PIGK: variants seen among roughly 807,000 people sequenced by gnomAD.
The protein encoded by PIGK is GPI-anchor transamidase.
A neutral mutation model predicts 50.6 loss-of-function variants in PIGK; 42 were observed. The ratio of observed to expected loss-of-function variants is 0.83; its 90% CI spans 0.65 to 1.07. The LOEUF is 1.07. Ranked by LOEUF, PIGK falls within the 50% of genes least tolerant of loss-of-function variation. The pLI is 0.00. For missense variants in PIGK, 448 were observed against 488.7 expected (o/e 0.92, Z 0.78); for synonymous variants, 151 against 156.0 (o/e 0.97, Z 0.24).
At chr1:77,211,294 C>CT in intron 1 of PIGK, among the ~76,000 whole-genome samples, 1 of 151,554 alleles carries the variant, frequency 6.6e-6, no homozygotes, top group East Asian at 1.9e-4. Context: ...GTCCAAATGC[C>CT]TTTACTCTCG....
At chr1:77,109,269 A>T (rs1211210891) in intron 10 of PIGK, among the ~76,000 whole-genome samples, 2 of 152,260 alleles carry the variant, frequency 1.3e-5, no homozygotes, top group East Asian at 1.9e-4. Context: ...TGAGGCCAGC[A>T]TCATCCTGAT....
At chr1:77,177,623 T>C (rs747178283) in intron 3 of PIGK, among the ~76,000 whole-genome samples, 2 of 152,228 alleles carry the variant, frequency 1.3e-5, no homozygotes, top group Non-Finnish European at 2.9e-5. Flanking sequence ...CTCTCAGCTC[T>C]GAAGGCTGTG....
chr1:77,109,294 G>A (rs950911505), intron 10 of PIGK, among the ~76,000 whole-genome samples: 5 of 152,210 alleles, frequency 3.3e-5, no homozygotes, highest in Non-Finnish European at 7.3e-5. Context: ...AAGCCTGGCA[G>A]AGACACAACA....
At chr1:77,133,877 C>T (rs1654438679) in intron 9 of PIGK, among the ~76,000 whole-genome samples, 1 of 152,150 alleles carries the variant, frequency 6.6e-6, no homozygotes, top group South Asian at 2.1e-4. Context: ...GGACTATTGT[C>T]CTGCACAGCT....
At chr1:77,103,016 T>C (rs1294945812) in intron 10 of PIGK, among the ~76,000 whole-genome samples, 1 of 152,192 alleles carries the variant, frequency 6.6e-6, no homozygotes. Flanking sequence ...GTCCAGTTGT[T>C]TGTGTAAATG....
intron 9 of PIGK, among the ~76,000 whole-genome samples, chr1:77,122,977 A>T (rs1283875704): frequency 1.3e-5 from 2 of 152,182 alleles, no homozygotes; most frequent in Non-Finnish European, 2.9e-5. Context: ...TTTATCAAAA[A>T]GACTCAAATG....
chr1:77,112,460 T>C (rs1418036284), intron 10 of PIGK, among the ~76,000 whole-genome samples: 2 of 152,136 alleles, frequency 1.3e-5, no homozygotes, highest in Non-Finnish European at 2.9e-5. Flanking sequence ...CTTCTGGTAA[T>C]GTTTTTGGTG....
chr1:77,176,617 T>G (rs1047609038), intron 3 of PIGK, among the ~76,000 whole-genome samples: 1 of 152,176 alleles, frequency 6.6e-6, no homozygotes, highest in Admixed American at 6.5e-5. Flanking sequence ...AATCCTAGAA[T>G]ATGGTGTCTT....
intron 3 of PIGK, among the ~76,000 whole-genome samples, chr1:77,169,675 C>T (rs187247556): frequency 1.3e-4 from 20 of 151,882 alleles, no homozygotes; most frequent in East Asian, 5.8e-4. Flanking sequence ...GAGAAATTGG[C>T]GCAATCTGGC....
intron 10 of PIGK, among the ~76,000 whole-genome samples, chr1:77,110,214 C>G (rs1021352409): frequency 6.6e-6 from 1 of 152,120 alleles, no homozygotes; most frequent in African/African-American, 2.4e-5. Context: ...CAATGCCATC[C>G]CCATCAAGTG....
chr1:77,188,335 C>A (rs903327829), intron 3 of PIGK, among the ~76,000 whole-genome samples: 7 of 152,146 alleles, frequency 4.6e-5, no homozygotes, highest in Non-Finnish European at 1.0e-4. Context: ...ACAGCCCCCC[C>A]AGGTGCGCCT....
At chr1:77,165,012 A>G (rs1160349548) in intron 5 of PIGK, among the ~76,000 whole-genome samples, 2 of 152,178 alleles carry the variant, frequency 1.3e-5, no homozygotes, top group Non-Finnish European at 2.9e-5. Context: ...CTCTAGCACA[A>G]CTACTGAACT....
At chr1:77,112,116 A>G (rs1343763079) in intron 10 of PIGK, among the ~76,000 whole-genome samples, 1 of 152,104 alleles carries the variant, frequency 6.6e-6, no homozygotes, top group Non-Finnish European at 1.5e-5. Context: ...CATGACTGGT[A>G]TGATAAAATG....
chr1:77,166,270 A>G (rs1779201), intron 5 of PIGK, among the ~76,000 whole-genome samples: 150,029 of 152,250 alleles, frequency 0.99, 73,954 homozygotes, highest in Middle Eastern at 1. Flanking sequence ...ATGAATCCCA[A>G]CCCAGATGAA....
intron 10 of PIGK, among the ~76,000 whole-genome samples, chr1:77,111,901 A>T (rs1653853496): frequency 6.6e-6 from 1 of 152,150 alleles, no homozygotes; most frequent in African/African-American, 2.4e-5. Flanking sequence ...TGTCTTCGCA[A>T]AGTATTAATA....
At chr1:77,180,302 G>C (rs1190569591) in intron 3 of PIGK, among the ~76,000 whole-genome samples, 1 of 152,070 alleles carries the variant, frequency 6.6e-6, no homozygotes, top group Non-Finnish European at 1.5e-5. Context: ...GTGGGCACTG[G>C]AATTGTATAG....
chr1:77,109,333 T>C (rs1185443120), intron 10 of PIGK, among the ~76,000 whole-genome samples: 2 of 152,210 alleles, frequency 1.3e-5, no homozygotes, highest in Non-Finnish European at 2.9e-5. Context: ...CCAATATCCC[T>C]GATTAACATC....
At chr1:77,146,787 A>C (rs987645433) in intron 9 of PIGK, among the ~76,000 whole-genome samples, 1 of 150,842 alleles carries the variant, frequency 6.6e-6, no homozygotes, top group Non-Finnish European at 1.5e-5. Flanking sequence ...ACACAGCGAG[A>C]CTCTGTCTAA....
At position 77,148,059 on chromosome 1, in the gene PIGK, TCTAA is replaced by T. The variant is rs572063214; in HGVS notation, c.986+6386_986+6389del. Among the ~76,000 whole-genome samples the T allele has an allele frequency of 3.2e-3, 484 of 152,324 alleles. 2 individuals are homozygous for T. Among genetic ancestry groups the T allele is most frequent in the African/African-American group, 0.011 (460 of 41,574 alleles). On this transcript the variant is annotated intron_variant, in intron 9 of 10. Coordinates refer to ENST00000370812, the MANE Select transcript of PIGK (RefSeq NM_005482.3). Reference sequence around the variant, plus strand: ...TTCCCTAATATGTGTAGAAAGTATTTCTAACTGTCAATTTTAATAACAGTGTGTT... The same window carrying T: ...TTCCCTAATATGTGTAGAAAGTATTTCTGTCAATTTTAATAACAGTGTGTT...
Sources: gnomAD v4.1 joint callset for allele counts (sites outside exome capture counted in the v4.1 genomes callset) on GRCh38, gnomAD v4.1.1 for gene constraint, MANE v1.5 for transcripts, NCBI Gene and HGNC (gene_info 2026-07-23, HGNC 2026-07-21) for gene names.